PTPRN2: variants seen among roughly 807,000 people sequenced by gnomAD.
The protein encoded by PTPRN2 is receptor-type tyrosine-protein phosphatase N2.
In PTPRN2, 74 loss-of-function variants were observed where a neutral mutation model predicts 118.8. That is an observed-to-expected ratio of 0.62 (90% CI 0.52 to 0.76). PTPRN2 has a LOEUF of 0.76. Ranked by LOEUF, PTPRN2 falls within the 30% of genes least tolerant of loss-of-function variation. PTPRN2 has a pLI of 0.00. For missense variants in PTPRN2, 1,481 were observed against 1,394.4 expected (o/e 1.06, Z -0.99); for synonymous variants, 641 against 608.0 (o/e 1.05, Z -0.80).
chr7:157,982,239 C>T (rs868682872), intron 11 of PTPRN2, among the ~76,000 whole-genome samples: 4 of 125,728 alleles, frequency 3.2e-5, no homozygotes, highest in Non-Finnish European at 6.6e-5. Flanking sequence ...ATGCAGAGTG[C>T]GGGGTCCCCC....
chr7:157,777,839 G>T lies in PTPRN2; in HGVS notation c.1789-94902C>A, dbSNP rs75081136. The stretch of plus-strand genomic sequence containing the variant: ...GTTATTTACTTTAAAAGCACTGAAA[G>T]ATCCACCAGAATAAGATGTCTGCTG... On this transcript the variant is annotated intron_variant, in intron 12 of 22. Coordinates refer to ENST00000389418, the MANE Select transcript of PTPRN2 (RefSeq NM_002847.5). 1.1e-3 allele frequency among the ~76,000 whole-genome samples: 165 copies of T among 152,312 alleles called. 1 individual carries two copies. Among genetic ancestry groups the T allele is most frequent in the Non-Finnish European group, 2.0e-3 (133 of 68,016 alleles).
chr7:157,707,015 G>A (rs76196345), intron 12 of PTPRN2, among the ~76,000 whole-genome samples: 8,474 of 151,668 alleles, frequency 0.056, 364 homozygotes, highest in East Asian at 0.22. Flanking sequence ...GGTGCCTTCC[G>A]GATCAAGGTG....
chr7:158,521,749 C>CA (rs1824083385), intron 1 of PTPRN2, among the ~76,000 whole-genome samples: 1 of 84,280 alleles, frequency 1.2e-5, no homozygotes, highest in Non-Finnish European at 2.6e-5. Context: ...GTGGACTGTC[C>CA]GGGTAGTGGC....
chr7:157,940,325 C>T (rs1240607887), intron 11 of PTPRN2, among the ~76,000 whole-genome samples: 4 of 152,184 alleles, frequency 2.6e-5, no homozygotes, highest in Non-Finnish European at 5.9e-5. Flanking sequence ...TCAAAGCAAA[C>T]TCTTTTTTGT....
intron 2 of PTPRN2, among the ~76,000 whole-genome samples, chr7:158,488,351 G>A (rs899632015): frequency 1.3e-5 from 2 of 152,000 alleles, no homozygotes; most frequent in Non-Finnish European, 2.9e-5. Context: ...TGTCACACTC[G>A]GCACAGGAAT....
At chr7:157,543,550 G>A (rs149836941) in intron 22 of PTPRN2, among the ~76,000 whole-genome samples, 1,805 of 152,352 alleles carry the variant, frequency 0.012, 35 homozygotes, top group African/African-American at 0.041. Context: ...TCGGACACCC[G>A]CTGCTGGGGT....
intron 12 of PTPRN2, among the ~76,000 whole-genome samples, chr7:157,804,047 C>G (rs1805479165): frequency 6.6e-6 from 1 of 152,040 alleles, no homozygotes; most frequent in Admixed American, 6.5e-5. Flanking sequence ...ATTGATGTAT[C>G]CTTATTATAT....
At chr7:157,942,281 C>T (rs1163909624) in intron 11 of PTPRN2, among the ~76,000 whole-genome samples, 1 of 152,050 alleles carries the variant, frequency 6.6e-6, no homozygotes, top group African/African-American at 2.4e-5. Context: ...ACAAAAGCAG[C>T]ACCTGGCCCC....
chr7:158,292,070 A>T (rs890580973), intron 3 of PTPRN2, among the ~76,000 whole-genome samples: 5 of 152,236 alleles, frequency 3.3e-5, no homozygotes, highest in Non-Finnish European at 7.3e-5. Context: ...GCTTAAGACA[A>T]GATTACATTC....
At chr7:158,478,659 G>A (rs1820437436) in intron 2 of PTPRN2, among the ~76,000 whole-genome samples, 2 of 152,192 alleles carry the variant, frequency 1.3e-5, no homozygotes, top group Admixed American at 6.5e-5. Flanking sequence ...TGATTCTGTG[G>A]GAAAGAGGGA....
At chr7:158,035,079 G>A (rs1299413459) in intron 11 of PTPRN2, among the ~76,000 whole-genome samples, 1 of 152,230 alleles carries the variant, frequency 6.6e-6, no homozygotes, top group Non-Finnish European at 1.5e-5. Context: ...GAGCTTAGGA[G>A]GAACAAAATT....
chr7:158,263,911 C>G (rs1048043951), intron 3 of PTPRN2, among the ~76,000 whole-genome samples: 2 of 152,214 alleles, frequency 1.3e-5, no homozygotes, highest in African/African-American at 4.8e-5. Flanking sequence ...GCGGAGGTGG[C>G]TGAACACCCG....
chr7:158,091,464 TTTTG>T (rs1049459092), intron 10 of PTPRN2, among the ~76,000 whole-genome samples: 1 of 152,238 alleles, frequency 6.6e-6, no homozygotes, highest in Non-Finnish European at 1.5e-5. Flanking sequence ...GTAGACTGTT[TTTTG>T]TTTGTTTATT....
chr7:157,793,976 G>A (rs911855434), intron 12 of PTPRN2, among the ~76,000 whole-genome samples: 1 of 152,154 alleles, frequency 6.6e-6, no homozygotes, highest in Non-Finnish European at 1.5e-5. Context: ...CCACGCTGAG[G>A]GCCCCACAGC....
At chr7:157,584,598 G>A (rs1328399124) in intron 17 of PTPRN2, among the ~76,000 whole-genome samples, 1 of 152,254 alleles carries the variant, frequency 6.6e-6, no homozygotes, top group South Asian at 2.1e-4. Context: ...GAGCAGGTGC[G>A]GGGCCCACGC....
intron 11 of PTPRN2, among the ~76,000 whole-genome samples, chr7:157,993,942 G>A (rs935037042): frequency 2.0e-5 from 3 of 152,126 alleles, no homozygotes; most frequent in African/African-American, 7.2e-5. Flanking sequence ...CTGCGCCCGT[G>A]TCTGGAGTCA....
chr7:158,070,222 C>T (rs557887978), intron 11 of PTPRN2, among the ~76,000 whole-genome samples: 1 of 152,288 alleles, frequency 6.6e-6, no homozygotes, highest in South Asian at 2.1e-4. Flanking sequence ...CCCTCAGCTT[C>T]AGTAGGTAAG....
chr7:158,242,868 C>T (rs545014937), intron 3 of PTPRN2, among the ~76,000 whole-genome samples: 1 of 152,144 alleles, frequency 6.6e-6, no homozygotes, highest in African/African-American at 2.4e-5. Context: ...TCCATTGTAA[C>T]GCCTCTTCTT....
At chr7:158,377,293 G>T (rs1322650350) in intron 2 of PTPRN2, among the ~76,000 whole-genome samples, 1 of 152,288 alleles carries the variant, frequency 6.6e-6, no homozygotes, top group Non-Finnish European at 1.5e-5. Context: ...AAGCACGCGG[G>T]GTCAGGGGAT....
Sources: gnomAD v4.1 joint callset for allele counts (sites outside exome capture counted in the v4.1 genomes callset) on GRCh38, gnomAD v4.1.1 for gene constraint, MANE v1.5 for transcripts, NCBI Gene and HGNC (gene_info 2026-07-23, HGNC 2026-07-21) for gene names.